The following NRG1 variants were observed in gnomAD, a reference collection of about 807,000 sequenced individuals.
NRG1 encodes the protein neuregulin 1.
Under a neutral mutation model 63.8 loss-of-function variants are expected in NRG1, and 18 were observed. That is an observed-to-expected ratio of 0.28 (90% CI 0.19 to 0.42). NRG1 has a LOEUF of 0.42. Ranked by LOEUF, NRG1 falls within the 10% of genes least tolerant of loss-of-function variation. The probability of loss-of-function intolerance (pLI) is 1.00; values close to 1 mark genes in which losing one functional copy is unlikely to be tolerated. For missense variants in NRG1, 762 were observed against 814.7 expected (o/e 0.94, Z 0.79); for synonymous variants, 302 against 301.3 (o/e 1.00, Z -0.02).
At chr8:32,133,157 C>T (rs1055568578) in intron 1 of NRG1, among the ~76,000 whole-genome samples, 1 of 152,066 alleles carries the variant, frequency 6.6e-6, no homozygotes, top group African/African-American at 2.4e-5. Context: ...CATCATTACC[C>T]CAGGGCTCCC....
chr8:32,363,783 G>T (rs1807562117), intron 1 of NRG1, among the ~76,000 whole-genome samples: 1 of 151,894 alleles, frequency 6.6e-6, no homozygotes, highest in Non-Finnish European at 1.5e-5. Context: ...AGAATGCAAA[G>T]ATATCAAAAA....
At chr8:31,931,368 T>A (rs1834848758) in intron 1 of NRG1, among the ~76,000 whole-genome samples, 2 of 152,140 alleles carry the variant, frequency 1.3e-5, no homozygotes, top group African/African-American at 4.8e-5. Flanking sequence ...AGGTCCAGGC[T>A]TGGACAACAA....
chr8:32,699,976 A>G (rs1475597681), intron 5 of NRG1, among the ~76,000 whole-genome samples: 1 of 152,218 alleles, frequency 6.6e-6, no homozygotes, highest in Admixed American at 6.5e-5. Flanking sequence ...TGTACGATTC[A>G]GTGTTTTTAG....
chr8:32,767,441 A>G (rs1831515717), exon 12 of NRG1: 1 of 152,236 alleles, frequency 6.6e-6, no homozygotes, highest in Non-Finnish European at 1.5e-5. Flanking sequence ...GCGAAGACCT[A>G]TGAAACACTG....
At chr8:32,435,589 G>A (rs1324825357) in intron 1 of NRG1, among the ~76,000 whole-genome samples, 9 of 152,142 alleles carry the variant, frequency 5.9e-5, no homozygotes, top group Admixed American at 5.9e-4. Context: ...AATATTAGCT[G>A]CATAGGTAGT....
intron 1 of NRG1, among the ~76,000 whole-genome samples, chr8:31,904,573 A>G (rs866886961): frequency 6.6e-6 from 1 of 152,224 alleles, no homozygotes; most frequent in Non-Finnish European, 1.5e-5. Flanking sequence ...AGACACACGC[A>G]TGCATATGTT....
exon 12 of NRG1, chr8:32,764,357 C>T: frequency 1.2e-6 from 2 of 1,611,756 alleles, no homozygotes; most frequent in Non-Finnish European, 1.7e-6. Flanking sequence ...AAATCCAGGC[C>T]AGGCTGTCTA....
intron 1 of NRG1, among the ~76,000 whole-genome samples, chr8:32,078,981 C>A (rs10112935): frequency 0.97 from 147,994 of 152,282 alleles, 72,055 homozygotes; most frequent in Non-Finnish European, 1. Context: ...TGACTTGACT[C>A]TATGTCAACC....
At chr8:32,295,940 GAAA>G (rs536209588) in intron 1 of NRG1, among the ~76,000 whole-genome samples, 2 of 128,088 alleles carry the variant, frequency 1.6e-5, no homozygotes, top group African/African-American at 3.0e-5. Context: ...AGGTCTCAAG[GAAA>G]AAAAAAAAAA....
intron 1 of NRG1, among the ~76,000 whole-genome samples, chr8:32,131,767 C>A (rs946862889): frequency 2.0e-5 from 3 of 151,972 alleles, no homozygotes; most frequent in African/African-American, 7.2e-5. Context: ...TGATAAGGCA[C>A]CTAATGAGTA....
chr8:32,211,185 T>C (rs2132392985), intron 1 of NRG1, among the ~76,000 whole-genome samples: 1 of 152,222 alleles, frequency 6.6e-6, no homozygotes, highest in East Asian at 1.9e-4. Context: ...AAAGATTTTG[T>C]TCTGTTTCTT....
At chr8:31,943,905 C>A (rs1020898723) in intron 1 of NRG1, among the ~76,000 whole-genome samples, 1 of 152,192 alleles carries the variant, frequency 6.6e-6, no homozygotes, top group African/African-American at 2.4e-5. Flanking sequence ...TGATTTCAAT[C>A]CTCTCACATT....
chr8:31,925,959 T>G (rs550984203), intron 1 of NRG1, among the ~76,000 whole-genome samples: 2 of 152,340 alleles, frequency 1.3e-5, no homozygotes, highest in South Asian at 4.1e-4. Context: ...CTCCTGGTTT[T>G]CAGTCATTTG....
intron 1 of NRG1, among the ~76,000 whole-genome samples, chr8:32,350,305 C>G (rs1028639899): frequency 3.3e-5 from 5 of 152,048 alleles, no homozygotes; most frequent in African/African-American, 1.2e-4. Context: ...CTCAAAGTTC[C>G]AAAGTGTTAA....
At chr8:32,484,894 C>A (rs1462482388) in intron 1 of NRG1, among the ~76,000 whole-genome samples, 1 of 152,182 alleles carries the variant, frequency 6.6e-6, no homozygotes, top group Non-Finnish European at 1.5e-5. Flanking sequence ...TTCATACCAT[C>A]ATCTATCCTT....
intron 1 of NRG1, among the ~76,000 whole-genome samples, chr8:32,386,800 A>G (rs951944034): frequency 5.3e-5 from 8 of 152,076 alleles, no homozygotes; most frequent in African/African-American, 1.9e-4. Context: ...TTCTTGACCT[A>G]CTCCTAGACC....
At chr8:32,517,374 ACT>A (rs1241132448) in intron 1 of NRG1, among the ~76,000 whole-genome samples, 1 of 151,940 alleles carries the variant, frequency 6.6e-6, no homozygotes, top group African/African-American at 2.4e-5. Flanking sequence ...CCTGTTAAAC[ACT>A]CTTATAGTAT....
chr8:31,961,401 T>A (rs897845336), intron 1 of NRG1, among the ~76,000 whole-genome samples: 11 of 152,172 alleles, frequency 7.2e-5, no homozygotes, highest in African/African-American at 2.7e-4. Flanking sequence ...GAATACAACA[T>A]CTCACTCTGC....
chr8:31,799,760 A>G (rs1346246035), intron 1 of NRG1, among the ~76,000 whole-genome samples: 1 of 152,106 alleles, frequency 6.6e-6, no homozygotes, highest in Non-Finnish European at 1.5e-5. Context: ...ATATACACGT[A>G]TGCATACATA....
Sources: allele counts gnomAD v4.1 joint callset (sites outside exome capture counted in the v4.1 genomes callset), GRCh38; gene constraint gnomAD v4.1.1; transcripts MANE v1.5; gene names NCBI Gene and HGNC (gene_info 2026-07-23, HGNC 2026-07-21).